Variants in SPTBN1 observed in about 807,000 individuals in gnomAD.
SPTBN1 encodes the protein spectrin beta chain, non-erythrocytic 1.
In SPTBN1, 32 loss-of-function variants were observed where a neutral mutation model predicts 266.4. The ratio of observed to expected loss-of-function variants is 0.12; its 90% confidence interval spans 0.09 to 0.16. The LOEUF (loss-of-function observed/expected upper bound fraction) is 0.16, where lower values mean the gene tolerates loss of function less well. Ranked by LOEUF, SPTBN1 falls within the 10% of genes least tolerant of loss-of-function variation. The pLI is 1.00. For synonymous variants in SPTBN1, 1,336 were observed against 1,162.2 expected, an observed-to-expected ratio of 1.15 and a Z score of -3.04; for missense variants, 2,296 against 3,067.1, an observed-to-expected ratio of 0.75 and a Z score of 5.94.
chr2:54,547,578 A>G (rs1290823898), intron 2 of SPTBN1, among the ~76,000 whole-genome samples: 1 of 152,188 alleles, frequency 6.6e-6, no homozygotes. Flanking sequence ...TCCTACCAAC[A>G]GCGTACAAGG....
chr2:54,626,104 A>G lies in SPTBN1; in HGVS notation c.1514A>G (p.Asn505Ser), dbSNP rs781182658. ...AAGCGCATCACAGCGAGGAAGGACA[A>G]TGTCATCCGGCTCTGGGAATACCTA... Reference protein sequence around the residue: ...DIKRITARKDNVIRLWEYLLE... With the variant: ...DIKRITARKDSVIRLWEYLLE... Residue 505 changes from asparagine to serine, a missense_variant, in exon 12 of 36, where the codon AAT (asparagine) becomes AGT (serine). This residue lies in a region of SPTBN1 where 434 missense variants were observed against 573.9 expected (regional missense o/e 0.76). Coordinates refer to ENST00000356805, the MANE Select transcript of SPTBN1 (RefSeq NM_003128.3). This position sits in a 1 kb window ranked among gnomAD's most constrained non-coding sequence, Gnocchi z 4.7. The G allele has an allele frequency of 6.8e-6, 11 of 1,614,200 alleles. No individual in the cohort carries two copies. The highest frequency in any genetic ancestry group is 2.2e-5 in the East Asian group (1 of 44,886).
chr2:54,588,805 G>C (rs1333648280), intron 2 of SPTBN1, among the ~76,000 whole-genome samples: 1 of 152,158 alleles, frequency 6.6e-6, no homozygotes, highest in Non-Finnish European at 1.5e-5. Flanking sequence ...CCCATTTTTA[G>C]TCAAACACAG....
At chr2:54,605,098 G>T (rs1676754241) in intron 3 of SPTBN1, among the ~76,000 whole-genome samples, 1 of 152,190 alleles carries the variant, frequency 6.6e-6, no homozygotes. Flanking sequence ...AGCTGCTCTT[G>T]GGGCAGGCTT....
intron 2 of SPTBN1, among the ~76,000 whole-genome samples, chr2:54,593,841 T>TTTTTTC (rs1675854384): frequency 1.5e-5 from 2 of 137,552 alleles, no homozygotes; most frequent in Non-Finnish European, 3.2e-5. Context: ...TTTTTTTTTT[T>TTTTTTC]TTTTTTTTTG....
Position 54,554,552 on chromosome 2 carries a change from T to C in SPTBN1, c.148+27986T>C, listed in dbSNP as rs188025065. Among the ~76,000 whole-genome samples the C allele has an allele frequency of 4.6e-5, 7 of 152,352 alleles. No homozygotes were observed. The highest frequency in any genetic ancestry group is 1.3e-4 in the Admixed American group (2 of 15,310). On this transcript the variant is annotated intron_variant, in intron 2 of 35. Transcript: ENST00000356805. This position sits in a 1 kb window ranked among gnomAD's most constrained non-coding sequence, Gnocchi z 4.5. ...GAACCCAAATCACTAATACATTTAA[T>C]ACTAAACATTCCAGAAGGAATTTTT...
chr2:54,477,039 G>A (rs1467739482), intron 1 of SPTBN1, among the ~76,000 whole-genome samples: 1 of 151,658 alleles, frequency 6.6e-6, no homozygotes, highest in Non-Finnish European at 1.5e-5. Flanking sequence ...TGGCTTCAGT[G>A]TTTTTCTTGG....
intron 2 of SPTBN1, among the ~76,000 whole-genome samples, chr2:54,573,570 CA>C (rs1674240480): frequency 6.6e-6 from 1 of 152,198 alleles, no homozygotes; most frequent in Non-Finnish European, 1.5e-5. Context: ...GGTGATTCAG[CA>C]GTTGATTTGG....
chr2:54,634,764 T>A (rs1679000087), intron 17 of SPTBN1, among the ~76,000 whole-genome samples: 1 of 152,206 alleles, frequency 6.6e-6, no homozygotes, highest in Non-Finnish European at 1.5e-5. Flanking sequence ...ATAATGTGCT[T>A]ACGTTCAGGA....
Position 54,510,922 on chromosome 2 carries a change from C to T in SPTBN1, c.-47-15450C>T, listed in dbSNP as rs566737066. 5.9e-5 allele frequency among the ~76,000 whole-genome samples: 9 copies of T among 152,246 alleles called. No individual in the cohort carries two copies. In the East Asian group the frequency reaches 1.2e-3, roughly 20 times the overall value. Reference sequence around the variant, plus strand: ...TATTTTCATTTTGCAGTCATTTGAGCGATAGTAGGAGCCAGATAAGTTTGA... The same window carrying T: ...TATTTTCATTTTGCAGTCATTTGAGTGATAGTAGGAGCCAGATAAGTTTGA... On this transcript the variant is annotated intron_variant, in intron 1 of 35. Transcript: ENST00000356805.
intron 27 of SPTBN1, 144 bp from the exon 28 acceptor site, chr2:54,654,926 A>T (rs1214130763): frequency 1.2e-5 from 14 of 1,194,670 alleles, no homozygotes; most frequent in South Asian, 1.6e-5. Flanking sequence ...GCCCAGCCTA[A>T]GCTCAGGGAG....
chr2:54,528,699 TAAAAAAAA>T (rs10591541), intron 2 of SPTBN1: 6 of 142,428 alleles, frequency 4.2e-5, no homozygotes, highest in African/African-American at 1.5e-4. Flanking sequence ...TTCAGTAAAG[TAAAAAAAA>T]AAAAAAAAGA....
Position 54,542,350 on chromosome 2 carries a change from G to GGACT in SPTBN1, c.148+15785_148+15788dup, listed in dbSNP as rs552935275. Among the ~76,000 whole-genome samples the GGACT allele has an allele frequency of 1.2e-4, 19 of 152,378 alleles. No individual in the cohort carries two copies. The East Asian group carries it at 3.7e-3, about 29-fold the overall frequency. On this transcript the variant is annotated intron_variant, in intron 2 of 35. Transcript: ENST00000356805. Reference sequence around the variant, plus strand: ...AGAGCTGCAGAAGGAGCTCAAGGCAGGACTATAGGAGTGAACGAGGAGTGC... The same window carrying GGACT: ...AGAGCTGCAGAAGGAGCTCAAGGCAGGACTGACTATAGGAGTGAACGAGGAGTGC...
chr2:54,535,316 C>G (rs1250265902), intron 2 of SPTBN1, among the ~76,000 whole-genome samples: 1 of 152,166 alleles, frequency 6.6e-6, no homozygotes, highest in Non-Finnish European at 1.5e-5. Context: ...AAAATATACT[C>G]AGAGTTATGT....
intron 1 of SPTBN1, among the ~76,000 whole-genome samples, chr2:54,491,270 A>G (rs1238259820): frequency 6.6e-6 from 1 of 152,238 alleles, no homozygotes; most frequent in East Asian, 1.9e-4. Context: ...TTTTTCACAT[A>G]GTAATAGATT....
In SPTBN1 at chr2:54,660,334, C is replaced by A. The variant is rs963434380; in HGVS notation, c.6420+335C>A. On this transcript the variant is annotated intron_variant, in intron 32 of 35. Transcript: ENST00000356805. ...CTTTATTAAGATTTTACAGCGAAAC[C>A]CTTACATGAGTAATTGAAATGAAAT... is the stretch of plus-strand genomic sequence containing the variant. The A allele has an allele frequency of 4.0e-6, 5 of 1,253,512 alleles. No individual in the cohort carries two copies. In the African/African-American group the frequency reaches 6.0e-5, roughly 15 times the overall value. 77.6% of individuals were successfully genotyped at this position (1,253,512 alleles called of 1,614,324 possible).
rs1227323340 is a variant in SPTBN1, at chr2:54,669,306, A to C, written c.*737A>C. 1.3e-5 allele frequency: 2 copies of C among 152,464 alleles called. No individual in the cohort carries two copies. The highest frequency in any genetic ancestry group is 2.9e-5 in the Non-Finnish European group (2 of 68,050). The allele number at this position is 152,464 out of a possible 1,614,324, so 9.4% of individuals were successfully genotyped here. A position where few individuals can be genotyped will look rare whatever the true frequency, so the allele number is the denominator to read the frequency against. On this transcript the variant is annotated 3_prime_UTR_variant, in exon 36 of 36. Coordinates refer to ENST00000356805, the MANE Select transcript of SPTBN1 (RefSeq NM_003128.3). ...GATAATTCTAGTACAAAGTATAATA[A>C]AACTAGATGTATAATAAACCCTTTA...
intron 1 of SPTBN1, among the ~76,000 whole-genome samples, chr2:54,481,415 TGTGTGTGTGTGTGTGTGTG>T (rs2103936479): frequency 6.6e-6 from 1 of 150,898 alleles, no homozygotes; most frequent in Admixed American, 6.6e-5. Context: ...TGTGTGTGTG[TGTGTGTGTGTGTGTGTGTG>T]TGTGTGTTTT....
At chr2:54,550,937 A>G (rs1338010616) in intron 2 of SPTBN1, among the ~76,000 whole-genome samples, 1 of 151,938 alleles carries the variant, frequency 6.6e-6, no homozygotes, top group African/African-American at 2.4e-5. Flanking sequence ...TGACGATGAG[A>G]TTTGCATGTC....
chr2:54,561,724 T>A (rs1437138529), intron 2 of SPTBN1, among the ~76,000 whole-genome samples: 2 of 148,732 alleles, frequency 1.3e-5, no homozygotes, highest in East Asian at 3.9e-4. Context: ...TAGTTATATA[T>A]AAATATAAAT....
Sources: gnomAD v4.1 joint callset for allele counts (sites outside exome capture counted in the v4.1 genomes callset) on GRCh38, gnomAD v4.1.1 for gene constraint, gnomAD v4.1.1 regional missense constraint, Gnocchi (gnomAD v3.1) non-coding constraint, MANE v1.5 for transcripts, NCBI Gene and HGNC (gene_info 2026-07-23, HGNC 2026-07-21) for gene names.